BRD8: variants seen among roughly 807,000 people sequenced by gnomAD.
BRD8 encodes bromodomain-containing protein 8.
Under a neutral mutation model 143.1 loss-of-function variants are expected in BRD8, and 67 were observed. That is an observed-to-expected ratio of 0.47 (90% CI 0.38 to 0.57). The LOEUF is 0.57. Ranked by LOEUF, BRD8 falls within the 20% of genes least tolerant of loss-of-function variation. The pLI is 0.00. For synonymous variants in BRD8, 505 were observed against 517.1 expected, an observed-to-expected ratio of 0.98 and a Z score of 0.32; for missense variants, 1,103 against 1,503.0, an observed-to-expected ratio of 0.73 and a Z score of 4.40.
At chr5:138,162,200 T>G in intron 15 of BRD8, 54 bp from the exon 16 acceptor site, 1 of 1,384,826 alleles carries the variant, frequency 7.2e-7, no homozygotes, top group South Asian at 1.3e-5. Flanking sequence ...ATAAAAATTA[T>G]AATTCTCTTT....
chr5:138,160,792 C>T lies in BRD8; in HGVS notation c.2427+99G>A, dbSNP rs145308137. On this transcript the variant is annotated intron_variant, in intron 18 of 26. Coordinates refer to ENST00000254900, the MANE Select transcript of BRD8 (RefSeq NM_139199.2). ...CAATTGTGTCCCTGACAGCTATCCA[C>T]GTAAAAGCCACAGCAACCCTTCTTG... is the stretch of plus-strand genomic sequence containing the variant. 1,018 of 1,129,456 alleles carry T rather than the reference C, an allele frequency of 9.0e-4. 7 individuals are homozygous for T. In the African/African-American group the frequency reaches 0.013, roughly 14 times the overall value. 70.0% of individuals were successfully genotyped at this position (1,129,456 alleles called of 1,614,324 possible). A position where few individuals can be genotyped will look rare whatever the true frequency, so the allele number is the denominator to read the frequency against.
chr5:138,165,141 T>C lies in BRD8; in HGVS notation c.1304A>G (p.Asp435Gly), dbSNP rs1753297818. Residue 435 changes from aspartate (D) to glycine (G), a missense_variant, in exon 12 of 27, where the codon GAT (aspartate) becomes GGT (glycine). Transcript: ENST00000254900. ...DKVDDHPEVL[D>G]VAAVEAALSF... ...CAGTGCTGCTTCCACTGCTGCCACA[T>C]CCAGCACTTCAGGATGATCATCTAC... 1.2e-6 allele frequency: 2 copies of C among 1,613,948 alleles called. No homozygotes were observed. Among genetic ancestry groups the C allele is most frequent in the Non-Finnish European group, 8.5e-7 (1 of 1,180,022 alleles).
chr5:138,163,198 T>C lies in BRD8; in HGVS notation c.2019A>G (p.Ile673Met). The C allele has an allele frequency of 6.2e-7, 1 of 1,614,120 alleles. No individual in the cohort carries two copies. Among genetic ancestry groups the C allele is most frequent in the Non-Finnish European group, 8.5e-7 (1 of 1,180,036 alleles). The change falls in exon 15 of 27, where the codon ATA becomes ATG. Residue 673 changes from isoleucine (I) to methionine (M), a missense_variant. Coordinates refer to ENST00000254900, the MANE Select transcript of BRD8 (RefSeq NM_139199.2). Reference protein sequence around the residue: ...PVSESDDGFSIHNATLQSHTL... With the variant: ...PVSESDDGFSMHNATLQSHTL... The stretch of plus-strand genomic sequence containing the variant: ...TGTGTGACTGCAGTGTAGCATTGTG[T>C]ATGCTGAAGCCATCATCACTCTCGC...
chr5:138,143,967 C>G (rs1752027647), intron 25 of BRD8, among the ~76,000 whole-genome samples: 1 of 152,182 alleles, frequency 6.6e-6, no homozygotes, highest in Non-Finnish European at 1.5e-5. Flanking sequence ...ACTGTGGAGG[C>G]TTTGTTCTTT....
chr5:138,168,334 T>A (rs1167208721), intron 8 of BRD8: 5 of 729,562 alleles, frequency 6.9e-6, no homozygotes, highest in Non-Finnish European at 9.4e-6. Flanking sequence ...ACTGTATTTT[T>A]AAAAAATTAA....
intron 23 of BRD8, 28 bp downstream of exon 23, chr5:138,149,612 A>G: frequency 6.4e-7 from 1 of 1,551,348 alleles, no homozygotes; most frequent in Non-Finnish European, 8.7e-7. Context: ...ACGAATCTTA[A>G]CAAACTTGGA....
At chr5:138,151,832 T>TTTTTAA (rs979823393) in intron 21 of BRD8, among the ~76,000 whole-genome samples, 3 of 151,752 alleles carry the variant, frequency 2.0e-5, no homozygotes, top group South Asian at 2.1e-4. Flanking sequence ...CCCGGCTAAT[T>TTTTTAA]TTTTAATTTT....
At chr5:138,169,522 T>C in intron 7 of BRD8, 164 bp from the exon 8 acceptor site, 1 of 728,950 alleles carries the variant, frequency 1.4e-6, no homozygotes, top group Non-Finnish European at 2.1e-6. Flanking sequence ...GATGGATAAC[T>C]TTTTAGCCTA....
At position 138,160,993 on chromosome 5, in the gene BRD8, G is replaced by A. The variant is rs759413844; in HGVS notation, c.2325C>T (p.Asp775=). Residue 775 remains aspartate, a synonymous_variant, in exon 18 of 27, where the codon GAC becomes GAT. Transcript: ENST00000254900. ...LIRSTAEFQR[D]IMLMFQNAVM... ...CAGCATTCTGAAACATCAGCATAAT[G>A]TCACGCTGAAATTCAGCTGTGCTTC... 5 of 1,613,848 alleles carry A rather than the reference G, an allele frequency of 3.1e-6. No individual in the cohort carries two copies. In the East Asian group the frequency reaches 1.1e-4, roughly 36 times the overall value.
In BRD8 at chr5:138,145,882, T is replaced by C; in HGVS notation, c.3279-4A>G. On this transcript the variant is annotated splice_region_variant and splice_polypyrimidine_tract_variant and intron_variant, in intron 23 of 26. Transcript: ENST00000254900. ...GTCATCCTGGCTTAGATCAGTCCTA[T>C]GAGGATAAAACATGAAGAAAAGAGA... The C allele has an allele frequency of 1.2e-6, 2 of 1,611,904 alleles. No individual in the cohort carries two copies. The highest frequency in any genetic ancestry group is 1.7e-6 in the Non-Finnish European group (2 of 1,178,182).
At chr5:138,169,184 C>CA in intron 8 of BRD8, 38 bp downstream of exon 8, 1 of 1,604,642 alleles carries the variant, frequency 6.2e-7, no homozygotes, top group Non-Finnish European at 8.5e-7. Flanking sequence ...CTTATTGCCC[C>CA]TTCACTGATC....
intron 15 of BRD8, 37 bp downstream of exon 15, chr5:138,163,093 C>T: frequency 1.9e-6 from 3 of 1,581,344 alleles, no homozygotes; most frequent in Non-Finnish European, 2.6e-6. Context: ...CTCACCTTCA[C>T]TGCCTTGGCC....
At chr5:138,153,673 C>CTTTTTTTTTTTTT (rs67848204) in intron 20 of BRD8, among the ~76,000 whole-genome samples, 1 of 107,360 alleles carries the variant, frequency 9.3e-6, no homozygotes, top group Non-Finnish European at 1.9e-5. Flanking sequence ...CTTTTCTTTT[C>CTTTTTTTTTTTTT]TTTTTTTTTT....
At chr5:138,145,615 C>T (rs1052145603) in intron 24 of BRD8, among the ~76,000 whole-genome samples, 174 bp downstream of exon 24, 5 of 152,204 alleles carry the variant, frequency 3.3e-5, no homozygotes, top group African/African-American at 1.2e-4. Context: ...ATTTCTTGTA[C>T]AGACTTGTGA....
In BRD8 at chr5:138,177,678, G is replaced by T; in HGVS notation, c.20-11C>A. On this transcript the variant is annotated splice_polypyrimidine_tract_variant and intron_variant, in intron 1 of 26. Transcript: ENST00000254900. The stretch of plus-strand genomic sequence containing the variant: ...TTAGCAGCTTGTGTTCTGGGAAAGG[G>T]AGAAAAAAAAAAAAGCCTTGGAAAC... 8.0e-6 allele frequency: 10 copies of T among 1,247,746 alleles called. No individual in the cohort carries two copies. Among genetic ancestry groups the T allele is most frequent in the East Asian group, 2.6e-5 (1 of 38,232 alleles). The allele number at this position is 1,247,746 out of a possible 1,614,324, so 77.3% of individuals were successfully genotyped here.
At chr5:138,159,858 C>T (rs548400310) in intron 19 of BRD8, among the ~76,000 whole-genome samples, 1 of 152,362 alleles carries the variant, frequency 6.6e-6, no homozygotes, top group African/African-American at 2.4e-5. Flanking sequence ...TTCCCCTACT[C>T]ATGATTTCTC....
At position 138,165,808 on chromosome 5, in the gene BRD8, G is replaced by A. The variant is rs1346368634; in HGVS notation, c.1278+20C>T. The A allele has an allele frequency of 6.2e-6, 10 of 1,605,268 alleles. No individual in the cohort carries two copies. The highest frequency in any genetic ancestry group is 1.7e-5 in the Admixed American group (1 of 59,202). On this transcript the variant is annotated intron_variant, in intron 11 of 26. Coordinates refer to ENST00000254900, the MANE Select transcript of BRD8 (RefSeq NM_139199.2). ...TATGTAGGACCCATGAGATTCTCTG[G>A]GGCTTCGCTGAATAGTTACCTTGTC...
chr5:138,147,160 C>T (rs1347843740), intron 23 of BRD8, among the ~76,000 whole-genome samples: 1 of 151,328 alleles, frequency 6.6e-6, no homozygotes, highest in Non-Finnish European at 1.5e-5. Context: ...CTAGGCTGGG[C>T]ACAGTGGCTC....
intron 25 of BRD8, among the ~76,000 whole-genome samples, chr5:138,142,543 T>C (rs1246883391): frequency 1.3e-5 from 2 of 151,114 alleles, no homozygotes; most frequent in African/African-American, 4.9e-5. Flanking sequence ...GGCAGGCGGA[T>C]CACGAGGTCA....
Sources: allele counts gnomAD v4.1 joint callset (sites outside exome capture counted in the v4.1 genomes callset), GRCh38; gene constraint gnomAD v4.1.1; transcripts MANE v1.5; gene names NCBI Gene and HGNC (gene_info 2026-07-23, HGNC 2026-07-21).